Variants in CCNY observed in about 807,000 individuals in gnomAD.
CCNY encodes the protein cyclin Y, also known as cyclin-Y.
In CCNY, 19 loss-of-function variants were observed where a neutral mutation model predicts 42.8. The observed-to-expected ratio is 0.44, with a 90% confidence interval of 0.31 to 0.65. The LOEUF is 0.65. CCNY is among the 30% of genes least tolerant of loss of function. CCNY has a pLI of 0.07. For missense variants in CCNY, 370 were observed against 437.3 expected (o/e 0.85, Z 1.37); for synonymous variants, 165 against 162.7 (o/e 1.01, Z -0.11).
At chr10:35,454,495 C>T (rs961840454) in intron 1 of CCNY, among the ~76,000 whole-genome samples, 2 of 152,230 alleles carry the variant, frequency 1.3e-5, no homozygotes, top group Admixed American at 1.3e-4. Context: ...CCTTGAAAAC[C>T]TGGAGCCTGG....
intron 8 of CCNY, among the ~76,000 whole-genome samples, chr10:35,560,902 C>T (rs1841452798): frequency 6.6e-6 from 1 of 152,148 alleles, no homozygotes; most frequent in South Asian, 2.1e-4. Flanking sequence ...CCTCGGTAGC[C>T]CTTTATGGGG....
intron 3 of CCNY, 73 bp downstream of exon 3, chr10:35,501,608 TG>T (rs1473720366): frequency 8.0e-7 from 1 of 1,257,844 alleles, no homozygotes; most frequent in Non-Finnish European, 1.2e-6. Context: ...CTGTCTGTGA[TG>T]GATGAAAATG....
chr10:35,516,532 G>A lies in CCNY; in HGVS notation c.274G>A (p.Gly92Arg). 1.9e-6 allele frequency: 3 copies of A among 1,612,426 alleles called. No individual in the cohort carries two copies. Among genetic ancestry groups the A allele is most frequent in the South Asian group, 1.1e-5 (1 of 90,972 alleles). The change falls in exon 4 of 10, where the codon GGA becomes AGA. Residue 92 changes from glycine to arginine, a missense_variant. Physicochemically the swap from Gly to Arg is moderately radical, Grantham distance 125 (BLOSUM62 -2). This residue lies in a region of CCNY where 136 missense variants were observed against 124.2 expected (regional missense o/e 1.09). Coordinates refer to ENST00000374704, the MANE Select transcript of CCNY (RefSeq NM_145012.6). ...TGCTGTTGTTTTCTAGCATCCTCCA[G>A]GACAAATAGCAAGGAAATACAGTTC... ...KSLFINHHPP[G>R]QIARKYSSCS...
intron 4 of CCNY, among the ~76,000 whole-genome samples, chr10:35,517,151 G>A (rs545639885): frequency 5.3e-4 from 81 of 152,258 alleles, no homozygotes; most frequent in African/African-American, 1.9e-3. Flanking sequence ...GAGAACGTGG[G>A]TGGGATCCTT....
Position 35,329,591 on chromosome 10 carries a change from G to A in CCNY, c.-9+78965G>A, listed in dbSNP as rs547635686. 8.5e-4 allele frequency among the ~76,000 whole-genome samples: 129 copies of A among 152,286 alleles called. 1 individual carries two copies. The highest frequency in any genetic ancestry group is 1.7e-3 in the South Asian group (8 of 4,822). Reference sequence around the variant, plus strand: ...TTATTTATTCAGAGAGAATCTATGCGAGTTTATGATCTCCAGTATGAAGGA... The same window carrying A: ...TTATTTATTCAGAGAGAATCTATGCAAGTTTATGATCTCCAGTATGAAGGA... On this transcript the variant is annotated intron_variant, in intron 3 of 11. Coordinates refer to the CCNY transcript ENST00000374706.
In CCNY at chr10:35,365,555, G is replaced by A. The variant is rs190129191; in HGVS notation, c.154+28348G>A. On this transcript the variant is annotated intron_variant, in intron 1 of 9. Coordinates refer to ENST00000374704, the MANE Select transcript of CCNY (RefSeq NM_145012.6). ...GTTACCTGCTCCTGGATTACCTATC[G>A]CAAATTAGGATGTTTTTGGTTAACT... Among the ~76,000 whole-genome samples, 592 of 152,228 alleles carry A rather than the reference G, an allele frequency of 3.9e-3. 1 individual carries two copies. Among genetic ancestry groups the A allele is most frequent in the Non-Finnish European group, 6.9e-3 (471 of 68,006 alleles).
chr10:35,483,298 C>T (rs958365733), intron 1 of CCNY, 106 bp from the exon 2 acceptor site: 38 of 726,824 alleles, frequency 5.2e-5, no homozygotes, highest in Admixed American at 1.8e-4. Flanking sequence ...TTTCCAGAAT[C>T]CTTGAATGTA....
At chr10:35,409,679 A>G (rs1837861396) in intron 1 of CCNY, among the ~76,000 whole-genome samples, 1 of 152,242 alleles carries the variant, frequency 6.6e-6, no homozygotes, top group African/African-American at 2.4e-5. Flanking sequence ...AACACTCCAA[A>G]GAGCTTGCGT....
intron 1 of CCNY, among the ~76,000 whole-genome samples, chr10:35,401,613 G>A (rs892134197): frequency 6.8e-6 from 1 of 146,942 alleles, no homozygotes; most frequent in African/African-American, 2.5e-5. Flanking sequence ...ATTGTCTCAT[G>A]TGTGCGTGTG....
At chr10:35,418,763 G>A (rs1016080633) in intron 1 of CCNY, among the ~76,000 whole-genome samples, 2 of 152,104 alleles carry the variant, frequency 1.3e-5, no homozygotes, top group East Asian at 3.9e-4. Flanking sequence ...CTCATGTGAG[G>A]TGTGATGTAG....
chr10:35,380,993 C>T (rs185628903), intron 1 of CCNY, among the ~76,000 whole-genome samples: 2 of 152,266 alleles, frequency 1.3e-5, no homozygotes, highest in East Asian at 1.9e-4. Flanking sequence ...AGGCAGACAG[C>T]GGCATCCCAA....
intron 4 of CCNY, among the ~76,000 whole-genome samples, chr10:35,523,070 G>T (rs1190630907): frequency 6.6e-6 from 1 of 152,136 alleles, no homozygotes; most frequent in Non-Finnish European, 1.5e-5. Context: ...CTACCCAAAA[G>T]GTTCTAAAAC....
chr10:35,515,868 T>C (rs1840416687), intron 3 of CCNY, among the ~76,000 whole-genome samples: 3 of 152,224 alleles, frequency 2.0e-5, no homozygotes, highest in African/African-American at 7.2e-5. Flanking sequence ...CCAAAAGTTG[T>C]ACAGTTATGA....
intron 3 of CCNY, among the ~76,000 whole-genome samples, chr10:35,514,146 T>G (rs1306207862): frequency 6.6e-6 from 1 of 150,798 alleles, no homozygotes; most frequent in African/African-American, 2.4e-5. Context: ...GGATTACAGC[T>G]ATTTCGGCTT....
chr10:35,564,349 C>T (rs915683338), intron 8 of CCNY, among the ~76,000 whole-genome samples: 2 of 152,142 alleles, frequency 1.3e-5, no homozygotes, highest in African/African-American at 2.4e-5. Flanking sequence ...GGTCCCAGTG[C>T]TCCTTTCCCC....
intron 7 of CCNY, among the ~76,000 whole-genome samples, chr10:35,544,728 C>G (rs1841076592): frequency 6.6e-6 from 1 of 152,180 alleles, no homozygotes; most frequent in African/African-American, 2.4e-5. Context: ...ACCTTGTGTG[C>G]ATAGTGAGCT....
intron 3 of CCNY, among the ~76,000 whole-genome samples, chr10:35,257,225 TCCC>T (rs2095716281): frequency 5.8e-5 from 7 of 120,046 alleles, no homozygotes; most frequent in African/African-American, 2.3e-4. Context: ...CCTCCCTCCC[TCCC>T]TCCCTTCCTT....
chr10:35,298,389 A>T (rs1349329615), intron 3 of CCNY, among the ~76,000 whole-genome samples: 1 of 152,014 alleles, frequency 6.6e-6, no homozygotes, highest in Non-Finnish European at 1.5e-5. Context: ...ATTTTCTAGA[A>T]TTTTCTATAA....
chr10:35,539,076 G>A (rs1441012719), intron 7 of CCNY, among the ~76,000 whole-genome samples: 2 of 152,146 alleles, frequency 1.3e-5, no homozygotes, highest in East Asian at 3.9e-4. Flanking sequence ...CCATAAACAT[G>A]AAGGTTTATA....
Sources: allele counts gnomAD v4.1 joint callset (sites outside exome capture counted in the v4.1 genomes callset), GRCh38; gene constraint gnomAD v4.1.1; regional missense constraint gnomAD v4.1.1; transcripts MANE v1.5; gene names NCBI Gene and HGNC (gene_info 2026-07-23, HGNC 2026-07-21).